FBN3: variants seen among roughly 807,000 people sequenced by gnomAD.
FBN3 encodes fibrillin-3.
In FBN3, 234 loss-of-function variants were observed where a neutral mutation model predicts 330.1. That is an observed-to-expected ratio of 0.71 (90% CI 0.64 to 0.79). The LOEUF (loss-of-function observed/expected upper bound fraction) is 0.79. FBN3 is among the 30% of genes least tolerant of loss of function. The pLI is 0.00. For missense variants in FBN3, 3,606 were observed against 3,886.9 expected (o/e 0.93, Z 1.92); for synonymous variants, 1,458 against 1,517.3 (o/e 0.96, Z 0.91).
At chr19:8,095,334 G>A in intron 46 of FBN3, 41 bp downstream of exon 46, 2 of 1,594,946 alleles carry the variant, frequency 1.3e-6, no homozygotes, top group African/African-American at 2.7e-5. Context: ...CATGGAGCAG[G>A]GGCTGGCTGA....
intron 55 of FBN3, among the ~76,000 whole-genome samples, chr19:8,085,818 C>T (rs1006385136): frequency 1.3e-5 from 2 of 151,908 alleles, no homozygotes; most frequent in African/African-American, 2.4e-5. Context: ...ATGGAGGGAG[C>T]GTCCCGCTCT....
intron 59 of FBN3, among the ~76,000 whole-genome samples, chr19:8,075,866 A>G (rs1411658241): frequency 6.6e-6 from 1 of 152,166 alleles, no homozygotes; most frequent in Non-Finnish European, 1.5e-5. Flanking sequence ...TTTTGTTCCC[A>G]TGGAAACCTG....
At chr19:8,147,539 C>T in intron 1 of FBN3, 42 bp from the exon 2 acceptor site, 1 of 1,390,838 alleles carries the variant, frequency 7.2e-7, no homozygotes, top group Non-Finnish European at 9.4e-7. Flanking sequence ...GAGCCCCCCA[C>T]CCTAGCCATG....
intron 59 of FBN3, among the ~76,000 whole-genome samples, chr19:8,076,107 T>C (rs1390904450): frequency 2.0e-5 from 3 of 152,112 alleles, no homozygotes; most frequent in African/African-American, 7.2e-5. Context: ...AGCAAAAAGG[T>C]GGCTGTCTGC....
At chr19:8,116,036 T>C in intron 29 of FBN3, among the ~76,000 whole-genome samples, 1 of 152,160 alleles carries the variant, frequency 6.6e-6, no homozygotes, top group East Asian at 1.9e-4. Context: ...ATTCCCTAAA[T>C]GCATTTGTTC....
intron 32 of FBN3, 24 bp downstream of exon 32, chr19:8,111,624 G>GCCCCCCC: frequency 1.4e-6 from 2 of 1,453,546 alleles, no homozygotes; most frequent in South Asian, 1.2e-5. Flanking sequence ...TAGGGCCCCT[G>GCCCCCCC]CCCTCCCACC....
chr19:8,068,524 C>T (rs891885653), intron 63 of FBN3, among the ~76,000 whole-genome samples: 1 of 151,678 alleles, frequency 6.6e-6, no homozygotes, highest in Non-Finnish European at 1.5e-5. Context: ...TGGTGAACCC[C>T]GTCTCTACAA....
At chr19:8,133,458 T>A (rs1197076811) in intron 13 of FBN3, among the ~76,000 whole-genome samples, 4 of 152,088 alleles carry the variant, frequency 2.6e-5, no homozygotes, top group African/African-American at 9.7e-5. Flanking sequence ...GACAACAATT[T>A]TTTTTTTTTT....
intron 49 of FBN3, 46 bp downstream of exon 49, chr19:8,090,053 G>A: frequency 1.9e-6 from 3 of 1,606,016 alleles, no homozygotes; most frequent in East Asian, 2.2e-5. Context: ...AGAGAGGAAG[G>A]TGAGGGCACA....
rs1461699197 is a variant in FBN3, at chr19:8,121,232, C to A, written c.3211+26G>T. The A allele has an allele frequency of 6.4e-7, 1 of 1,570,382 alleles. No individual in the cohort carries two copies. Among genetic ancestry groups the A allele is most frequent in the African/African-American group, 1.3e-5 (1 of 74,078 alleles). ...TGCCCTCCCTGCCCAGGGCGCCCAC[C>A]ACACCCCTGCCCGGCAGTCACCGAC... On this transcript the variant is annotated intron_variant, in intron 25 of 63. Coordinates refer to ENST00000600128, the MANE Select transcript of FBN3 (RefSeq NM_032447.5). The surrounding 1 kb of genome is among the most constrained non-coding windows in gnomAD (Gnocchi z 4.5).
chr19:8,100,549 G>T (rs1000895483), intron 41 of FBN3, among the ~76,000 whole-genome samples: 1 of 152,126 alleles, frequency 6.6e-6, no homozygotes, highest in Non-Finnish European at 1.5e-5. Flanking sequence ...TGTTGGCTAG[G>T]CTGGTCTCAA....
In FBN3 at chr19:8,117,587, T is replaced by C; in HGVS notation, c.3340A>G (p.Ile1114Val). ...LTAKGTACED[I>V]DECSLSDGLC... ...CCATCACTCAGGGAGCACTCATCGA[T>C]GTCTGTGGGGGAGTGCAGGTGAAAG... The change falls in exon 27 of 64, where the codon ATC becomes GTC. Residue 1114 changes from isoleucine (I) to valine (V), a missense_variant and splice_region_variant. Ile to Val is a conservative substitution (Grantham distance 29). Coordinates refer to ENST00000600128, the MANE Select transcript of FBN3 (RefSeq NM_032447.5). 6.5e-7 allele frequency: 1 copy of C among 1,546,948 alleles called. No individual in the cohort carries two copies. Among genetic ancestry groups the C allele is most frequent in the Non-Finnish European group, 8.7e-7 (1 of 1,144,038 alleles).
chr19:8,123,338 G>C (rs2082898227), intron 24 of FBN3, 126 bp downstream of exon 24: 5 of 1,053,728 alleles, frequency 4.7e-6, no homozygotes, highest in Non-Finnish European at 6.7e-6. Flanking sequence ...TGGATAACAA[G>C]AGTAAAACTC....
chr19:8,109,769 G>A lies in FBN3; in HGVS notation c.4334-16C>T, dbSNP rs971517395. 8 of 1,449,100 alleles carry A rather than the reference G, an allele frequency of 5.5e-6. No homozygotes were observed. The highest frequency in any genetic ancestry group is 1.4e-5 in the African/African-American group (1 of 69,200). The allele number at this position is 1,449,100 out of a possible 1,614,324, so 89.8% of individuals were successfully genotyped here. ...TCGTTGATGTCTGTAGGGAGGAAGC[G>A]CGGTCCTCAGCAGGGAGCCCCTTCC... is the stretch of plus-strand genomic sequence containing the variant. On this transcript the variant is annotated splice_polypyrimidine_tract_variant and intron_variant, in intron 34 of 63. Coordinates refer to ENST00000600128, the MANE Select transcript of FBN3 (RefSeq NM_032447.5). This position sits in a 1 kb window ranked among gnomAD's most constrained non-coding sequence, Gnocchi z 5.2.
chr19:8,138,005 C>T (rs1408645362), intron 10 of FBN3, 136 bp downstream of exon 10: 1 of 983,792 alleles, frequency 1.0e-6, no homozygotes, highest in East Asian at 2.7e-5. Context: ...CCCTACTAGC[C>T]AGGCCAGGAG....
Position 8,129,836 on chromosome 19 carries a change from T to C in FBN3, c.2045-471A>G, listed in dbSNP as rs552348213. ...ACTTTGGGAGGCTGAGGTGGGAGGA[T>C]TGCTTGAGCCCAGGAGTTTGAGACC... On this transcript the variant is annotated intron_variant, in intron 16 of 63. Transcript: ENST00000600128. The surrounding 1 kb of genome is among the most constrained non-coding windows in gnomAD (Gnocchi z 4.5). Among the ~76,000 whole-genome samples the C allele has an allele frequency of 1.4e-4, 21 of 152,118 alleles. 1 individual carries two copies. In the South Asian group the frequency reaches 4.4e-3, roughly 32 times the overall value.
Position 8,131,566 on chromosome 19 carries a change from C to A in FBN3, c.1978G>T (p.Ala660Ser), listed in dbSNP as rs867586658. Residue 660 changes from alanine (A) to serine (S), a missense_variant, in exon 15 of 64, where the codon GCC becomes TCC. Physicochemically the swap from Ala to Ser is moderately conservative, Grantham distance 99 (BLOSUM62 1). Transcript: ENST00000600128. This position sits in a 1 kb window ranked among gnomAD's most constrained non-coding sequence, Gnocchi z 4.5. ...GFGEPCQLCP[A>S]KDSAEFQALC... Reference sequence around the variant, plus strand: ...GCCGGATGCTCACCGGAGTCTTTGGCAGGACAAAGCTGGCAGGGCTCCCCA... The same window carrying A: ...GCCGGATGCTCACCGGAGTCTTTGGAAGGACAAAGCTGGCAGGGCTCCCCA... 1 of 1,607,030 alleles carries A rather than the reference C, an allele frequency of 6.2e-7. No individual in the cohort carries two copies. Among genetic ancestry groups the A allele is most frequent in the African/African-American group, 1.3e-5 (1 of 74,934 alleles).
In FBN3 at chr19:8,135,944, GCCCACCCC is replaced by G; in HGVS notation, c.1591+9_1591+16del. On this transcript the variant is annotated intron_variant, in intron 13 of 63. Coordinates refer to ENST00000600128, the MANE Select transcript of FBN3 (RefSeq NM_032447.5). ...GGGGCCCGGAAGCCCCTGCCCACCCGCCCACCCCCAACTCACCCACACAGTTCTTGCCG... is the reference window on the plus strand; with the variant it reads ...GGGGCCCGGAAGCCCCTGCCCACCCGCAACTCACCCACACAGTTCTTGCCG... 2 of 1,014,130 alleles carry G rather than the reference GCCCACCCC, an allele frequency of 2.0e-6. No individual in the cohort carries two copies. Among genetic ancestry groups the G allele is most frequent in the Non-Finnish European group, 1.2e-6 (1 of 818,418 alleles). The allele number at this position is 1,014,130 out of a possible 1,614,324, so 62.8% of individuals were successfully genotyped here.
intron 59 of FBN3, among the ~76,000 whole-genome samples, chr19:8,079,176 T>C (rs779905012): frequency 6.6e-6 from 1 of 152,098 alleles, no homozygotes; most frequent in Non-Finnish European, 1.5e-5. Context: ...GAGGCTTCAG[T>C]GTGCTGTGAT....
Sources: allele counts gnomAD v4.1 joint callset (sites outside exome capture counted in the v4.1 genomes callset), GRCh38; gene constraint gnomAD v4.1.1; non-coding constraint Gnocchi (gnomAD v3.1); transcripts MANE v1.5; gene names NCBI Gene and HGNC (gene_info 2026-07-23, HGNC 2026-07-21).